PLPPR5: variants seen among roughly 807,000 people sequenced by gnomAD.
The protein encoded by PLPPR5 is phospholipid phosphatase related 5, also known as phospholipid phosphatase-related protein type 5.
Under a neutral mutation model 33.9 loss-of-function variants are expected in PLPPR5, and 16 were observed. The observed-to-expected ratio is 0.47, with a 90% CI of 0.32 to 0.72. PLPPR5 has a LOEUF of 0.72. Ranked by LOEUF, PLPPR5 falls within the 30% of genes least tolerant of loss-of-function variation. The pLI is 0.03. For synonymous variants in PLPPR5, 163 were observed against 150.3 expected (o/e 1.08, Z -0.62); for missense variants, 301 against 406.7 (o/e 0.74, Z 2.23).
chr1:98,907,214 T>TG, intron 5 of PLPPR5, among the ~76,000 whole-genome samples: 1 of 150,770 alleles, frequency 6.6e-6, no homozygotes, highest in African/African-American at 2.4e-5. Context: ...TTTTTTTTTT[T>TG]TTTTTCTGAT....
chr1:98,982,383 A>G (rs1652087929), intron 1 of PLPPR5, among the ~76,000 whole-genome samples: 1 of 152,088 alleles, frequency 6.6e-6, no homozygotes, highest in Non-Finnish European at 1.5e-5. Flanking sequence ...CTGACCTTCC[A>G]AGAAATCAGA....
chr1:98,906,346 T>TAA (rs1221694894), intron 5 of PLPPR5, among the ~76,000 whole-genome samples: 2 of 151,720 alleles, frequency 1.3e-5, no homozygotes, highest in Non-Finnish European at 2.9e-5. Flanking sequence ...CTTCCAACAA[T>TAA]AATATTTATT....
intron 3 of PLPPR5, among the ~76,000 whole-genome samples, chr1:98,946,346 T>G (rs994440104): frequency 2.0e-5 from 3 of 152,250 alleles, no homozygotes; most frequent in Non-Finnish European, 2.9e-5. Context: ...GCACTGCTTC[T>G]GTAATGTCAT....
chr1:98,990,767 C>T (rs1160817839), intron 1 of PLPPR5: 1 of 151,876 alleles, frequency 6.6e-6, no homozygotes, highest in African/African-American at 2.4e-5. Context: ...GGCAGTACGC[C>T]TAAATATATT....
intron 1 of PLPPR5, among the ~76,000 whole-genome samples, chr1:98,966,193 A>G (rs1651446325): frequency 6.6e-6 from 1 of 152,198 alleles, no homozygotes; most frequent in Non-Finnish European, 1.5e-5. Context: ...TCTACTTACC[A>G]AGTGATACTG....
intron 1 of PLPPR5, among the ~76,000 whole-genome samples, chr1:98,976,092 T>TAAAA (rs34637022): frequency 9.4e-4 from 70 of 74,670 alleles, no homozygotes; most frequent in African/African-American, 2.4e-3. Flanking sequence ...TACTAAAAAG[T>TAAAA]AAAAAAAAAA....
chr1:98,949,451 A>G (rs1650696911), intron 3 of PLPPR5, among the ~76,000 whole-genome samples: 1 of 152,248 alleles, frequency 6.6e-6, no homozygotes, highest in African/African-American at 2.4e-5. Flanking sequence ...TACGTACTCC[A>G]TAACAGGGCT....
intron 1 of PLPPR5, among the ~76,000 whole-genome samples, chr1:98,974,692 G>A (rs191576567): frequency 6.6e-6 from 1 of 152,156 alleles, no homozygotes; most frequent in African/African-American, 2.4e-5. Flanking sequence ...TATAATCCAA[G>A]CTGTGATTCA....
At chr1:98,948,502 C>T (rs1570724343) in intron 3 of PLPPR5, among the ~76,000 whole-genome samples, 1 of 152,192 alleles carries the variant, frequency 6.6e-6, no homozygotes, top group South Asian at 2.1e-4. Context: ...GACTTCGCTG[C>T]ACCTCCCATC....
chr1:98,996,456 T>C (rs976549426), intron 1 of PLPPR5, among the ~76,000 whole-genome samples: 2 of 152,082 alleles, frequency 1.3e-5, no homozygotes, highest in African/African-American at 4.8e-5. Flanking sequence ...TTAAACTACA[T>C]CTGTCATAAT....
intron 3 of PLPPR5, among the ~76,000 whole-genome samples, chr1:98,929,468 T>A (rs996568015): frequency 1.3e-5 from 2 of 152,208 alleles, no homozygotes; most frequent in Non-Finnish European, 2.9e-5. Flanking sequence ...AAAGATTATG[T>A]CATTATGAAC....
At chr1:99,001,671 G>GGT (rs1553173332) in intron 1 of PLPPR5, among the ~76,000 whole-genome samples, 1 of 102,196 alleles carries the variant, frequency 9.8e-6, no homozygotes, top group Admixed American at 1.0e-4. Context: ...GAAAGTTAAA[G>GGT]ATATATATAT....
At chr1:98,992,755 T>A (rs1273492953) in intron 1 of PLPPR5, among the ~76,000 whole-genome samples, 3 of 152,132 alleles carry the variant, frequency 2.0e-5, no homozygotes, top group Non-Finnish European at 2.9e-5. Context: ...AACAGTATAG[T>A]CACTCAGAAA....
intron 3 of PLPPR5, among the ~76,000 whole-genome samples, chr1:98,946,256 A>G (rs889601552): frequency 3.3e-5 from 5 of 152,202 alleles, no homozygotes; most frequent in Non-Finnish European, 5.9e-5. Flanking sequence ...AAAGGAGTTT[A>G]TAACAGTATG....
intron 3 of PLPPR5, among the ~76,000 whole-genome samples, chr1:98,947,420 A>C (rs979938828): frequency 6.6e-6 from 1 of 152,204 alleles, no homozygotes; most frequent in African/African-American, 2.4e-5. Context: ...TAAGGTAAGG[A>C]TGCAGAGTAT....
intron 2 of PLPPR5, among the ~76,000 whole-genome samples, chr1:98,954,511 A>G (rs12063815): frequency 1.3e-5 from 2 of 152,142 alleles, no homozygotes; most frequent in East Asian, 3.8e-4. Context: ...GTACCAGATC[A>G]AATAATTTTC....
rs1651011343 is a variant in PLPPR5, at chr1:98,956,640, G to A, written c.339C>T (p.Asn113=). The A allele has an allele frequency of 1.3e-6, 2 of 1,596,806 alleles. No homozygotes were observed. Among genetic ancestry groups the A allele is most frequent in the Non-Finnish European group, 1.7e-6 (2 of 1,174,124 alleles). Residue 113 remains asparagine, a synonymous_variant, in exon 2 of 6, where the codon AAC becomes AAT. Transcript: ENST00000263177. ...ATCGGACAGTTCGGCGCACCAGCGG[G>A]TTTATATAGCAACAGTCTCCAGTTA... The part of the protein sequence containing the change: ...TILTGDCCYI[N]PLVRRTVRFL...
At chr1:98,949,564 G>T (rs1174739962) in intron 3 of PLPPR5, among the ~76,000 whole-genome samples, 2 of 152,030 alleles carry the variant, frequency 1.3e-5, no homozygotes, top group African/African-American at 4.8e-5. Flanking sequence ...TTCCACAGAG[G>T]ATATTGAATA....
At chr1:98,953,920 A>T (rs1650902379) in intron 2 of PLPPR5, among the ~76,000 whole-genome samples, 1 of 152,146 alleles carries the variant, frequency 6.6e-6, no homozygotes, top group Non-Finnish European at 1.5e-5. Context: ...CATTTTTTTT[A>T]AAGTCATAGA....
Sources: allele counts gnomAD v4.1 joint callset (sites outside exome capture counted in the v4.1 genomes callset), GRCh38; gene constraint gnomAD v4.1.1; transcripts MANE v1.5; gene names NCBI Gene and HGNC (gene_info 2026-07-23, HGNC 2026-07-21).